The following DOCK2 variants were observed in gnomAD, a reference collection of about 807,000 sequenced individuals.
DOCK2 encodes the protein dedicator of cytokinesis 2.
A neutral mutation model predicts 248.9 loss-of-function variants in DOCK2; 87 were observed. The observed-to-expected ratio is 0.35, with a 90% CI of 0.29 to 0.42. The LOEUF (loss-of-function observed/expected upper bound fraction) is 0.42. Among genes scored for constraint, DOCK2 ranks in the 10% least tolerant of loss-of-function variants. The probability of loss-of-function intolerance (pLI) is 1.00; values close to 1 mark genes in which losing one functional copy is unlikely to be tolerated. For synonymous variants in DOCK2, 805 were observed against 821.6 expected, an observed-to-expected ratio of 0.98 and a Z score of 0.35; for missense variants, 1,747 against 2,300.2, an observed-to-expected ratio of 0.76 and a Z score of 4.92.
chr5:169,968,423 C>T (rs1008761635), intron 27 of DOCK2, among the ~76,000 whole-genome samples: 3 of 152,136 alleles, frequency 2.0e-5, no homozygotes, highest in African/African-American at 4.8e-5. Context: ...GAAGAAGGTT[C>T]CTGCCCTTGA....
intron 27 of DOCK2, among the ~76,000 whole-genome samples, chr5:169,903,293 AAAC>A (rs1189117124): frequency 5.4e-5 from 8 of 146,856 alleles, no homozygotes; most frequent in South Asian, 2.3e-4. Flanking sequence ...CATCTCTAAA[AAAC>A]AACAACAACA....
chr5:170,079,892 C>A (rs966048753), intron 49 of DOCK2: 2 of 394,282 alleles, frequency 5.1e-6, no homozygotes, highest in Non-Finnish European at 4.5e-6. Context: ...ATGGAAATGT[C>A]TTCTGTGTTT....
chr5:169,788,803 G>A (rs985791712), intron 25 of DOCK2, among the ~76,000 whole-genome samples: 5 of 152,008 alleles, frequency 3.3e-5, no homozygotes, highest in African/African-American at 1.2e-4. Context: ...TTCATGTTGG[G>A]GGCACTGAGC....
At chr5:169,831,492 A>G (rs909788894) in intron 26 of DOCK2, among the ~76,000 whole-genome samples, 1 of 152,208 alleles carries the variant, frequency 6.6e-6, no homozygotes, top group Non-Finnish European at 1.5e-5. Context: ...ACCATCTGCA[A>G]AGTGCTGCCA....
In DOCK2 at chr5:169,717,206, G is replaced by A. The variant is rs138345392; in HGVS notation, c.2032-178G>A. ...CCTTTTCATCTTATAACACCCCACA[G>A]CACACTTCATGAAACATTTTCTTTG... is the stretch of plus-strand genomic sequence containing the variant. On this transcript the variant is annotated intron_variant, in intron 20 of 51. Coordinates refer to ENST00000520908, the MANE Select transcript of DOCK2 (RefSeq NM_004946.3). Among the ~76,000 whole-genome samples the A allele has an allele frequency of 4.8e-3, 727 of 152,266 alleles. 5 individuals are homozygous for A. Among genetic ancestry groups the A allele is most frequent in the Non-Finnish European group, 6.4e-3 (433 of 68,030 alleles).
At chr5:169,850,147 C>G (rs1327133272) in intron 27 of DOCK2, among the ~76,000 whole-genome samples, 1 of 152,172 alleles carries the variant, frequency 6.6e-6, no homozygotes, top group Non-Finnish European at 1.5e-5. Context: ...ATTAACAGTT[C>G]ACATTTATGG....
intron 14 of DOCK2, 45 bp from the exon 15 acceptor site, chr5:169,708,124 G>T (rs2113506687): frequency 1.3e-6 from 2 of 1,592,720 alleles, no homozygotes; most frequent in South Asian, 1.1e-5. Flanking sequence ...CACAGAAAAT[G>T]ACAATTCTGT....
At chr5:170,077,072 A>G (rs1028923576) in intron 47 of DOCK2, among the ~76,000 whole-genome samples, 8 of 152,326 alleles carry the variant, frequency 5.3e-5, no homozygotes, top group African/African-American at 1.9e-4. Context: ...GATACTTATG[A>G]TTTCAGTTTA....
chr5:169,950,996 A>G (rs534886114), intron 27 of DOCK2, among the ~76,000 whole-genome samples: 1 of 152,320 alleles, frequency 6.6e-6, no homozygotes, highest in Admixed American at 6.5e-5. Flanking sequence ...GTAAACATTT[A>G]GATTTCCAGC....
At chr5:169,887,709 T>G (rs1773050541) in intron 27 of DOCK2, among the ~76,000 whole-genome samples, 1 of 152,246 alleles carries the variant, frequency 6.6e-6, no homozygotes, top group African/African-American at 2.4e-5. Context: ...ATCTTGGAGC[T>G]CTTGTCTAAT....
intron 2 of DOCK2, among the ~76,000 whole-genome samples, chr5:169,659,866 C>G (rs1051866593): frequency 1.3e-5 from 2 of 152,178 alleles, no homozygotes; most frequent in Admixed American, 1.3e-4. Context: ...TATTTCCCCC[C>G]AGTCACTTCC....
intron 32 of DOCK2, 137 bp downstream of exon 32, chr5:170,008,883 C>A: frequency 9.6e-7 from 1 of 1,046,522 alleles, no homozygotes; most frequent in Non-Finnish European, 1.4e-6. Flanking sequence ...TACCCCAGTT[C>A]CTAATAAGTG....
chr5:169,951,708 AACAT>A (rs1211578250), intron 27 of DOCK2, among the ~76,000 whole-genome samples: 1 of 152,226 alleles, frequency 6.6e-6, no homozygotes, highest in Non-Finnish European at 1.5e-5. Flanking sequence ...TATATACACA[AACAT>A]ATGTATAGCT....
rs78958849 is a variant in DOCK2 at position 169,637,894 on chromosome 5, G to A, written c.43+525G>A. On this transcript the variant is annotated intron_variant, in intron 1 of 51. Coordinates refer to ENST00000520908, the MANE Select transcript of DOCK2 (RefSeq NM_004946.3). ...CAAGCTTGGGGGAATGGGGCTGGAC[G>A]GTGGGGTTCTCTACTCAGCCCCCCA... 2.8e-3 allele frequency among the ~76,000 whole-genome samples: 419 copies of A among 152,252 alleles called. 4 individuals carry two copies. Among genetic ancestry groups the A allele is most frequent in the African/African-American group, 9.6e-3 (400 of 41,552 alleles).
At position 169,985,808 on chromosome 5, in the gene DOCK2, G is replaced by A. The variant is rs1029551036; in HGVS notation, c.2899-20G>A. On this transcript the variant is annotated intron_variant, in intron 28 of 51. Transcript: ENST00000520908. ...TCCTGTAAAACAGGATGACATGTGT[G>A]CTGTGCTTCATTGTTTCAGGACTTC... The A allele has an allele frequency of 1.9e-6, 3 of 1,592,612 alleles. No homozygotes were observed. Among genetic ancestry groups the A allele is most frequent in the Non-Finnish European group, 1.7e-6 (2 of 1,167,244 alleles).
intron 35 of DOCK2, among the ~76,000 whole-genome samples, chr5:170,034,768 C>T (rs1756265056): frequency 6.6e-6 from 1 of 152,180 alleles, no homozygotes; most frequent in Admixed American, 6.5e-5. Context: ...TTATTTATAA[C>T]ATGAGATTAA....
intron 27 of DOCK2, among the ~76,000 whole-genome samples, chr5:169,946,662 C>T (rs891388844): frequency 4.6e-4 from 70 of 152,302 alleles, no homozygotes; most frequent in African/African-American, 1.7e-3. Context: ...TAGGCCAGTT[C>T]CTAGTCTCCT....
At chr5:169,694,933 C>T (rs1285585960) in intron 9 of DOCK2, among the ~76,000 whole-genome samples, 2 of 152,118 alleles carry the variant, frequency 1.3e-5, no homozygotes, top group Non-Finnish European at 2.9e-5. Flanking sequence ...TGTGATCATG[C>T]TACTGCCCTC....
chr5:169,674,458 T>C lies in DOCK2; in HGVS notation c.470+13T>C. ...ACTATGGCAACAAGTAACCTCTCTT[T>C]CCTCTGCAAAGAGGTTTTCTTCCCC... On this transcript the variant is annotated intron_variant, in intron 6 of 51. Transcript: ENST00000520908. The C allele has an allele frequency of 6.2e-7, 1 of 1,613,832 alleles. No individual in the cohort carries two copies. Among genetic ancestry groups the C allele is most frequent in the Non-Finnish European group, 8.5e-7 (1 of 1,179,848 alleles).
Sources: gnomAD v4.1 joint callset for allele counts (sites outside exome capture counted in the v4.1 genomes callset) on GRCh38, gnomAD v4.1.1 for gene constraint, MANE v1.5 for transcripts, NCBI Gene and HGNC (gene_info 2026-07-23, HGNC 2026-07-21) for gene names.